MOXD1: variants seen among roughly 807,000 people sequenced by gnomAD.
MOXD1 encodes DBH-like monooxygenase protein 1.
In MOXD1, 62 loss-of-function variants were observed where a neutral mutation model predicts 66.6. That is an observed-to-expected ratio of 0.93 (90% CI 0.76 to 1.15). The LOEUF (loss-of-function observed/expected upper bound fraction) is 1.15, where lower values mean the gene tolerates loss of function less well. Among genes scored for constraint, MOXD1 ranks in the 50% most tolerant of loss-of-function variants. MOXD1 has a pLI of 0.00. For synonymous variants in MOXD1, 303 were observed against 281.9 expected (o/e 1.07, Z -0.75); for missense variants, 847 against 754.6 (o/e 1.12, Z -1.44).
intron 7 of MOXD1, 69 bp from the exon 8 acceptor site, chr6:132,322,939 C>A: frequency 7.4e-7 from 1 of 1,359,404 alleles, no homozygotes; most frequent in South Asian, 1.5e-5. Context: ...TACATTCAAA[C>A]ACACTTGGAG....
intron 1 of MOXD1, among the ~76,000 whole-genome samples, chr6:132,393,440 C>T (rs563151352): frequency 5.0e-4 from 76 of 152,232 alleles, no homozygotes; most frequent in Middle Eastern, 3.4e-3. Flanking sequence ...GCAAGGAAGC[C>T]AGCTTAGCTG....
At chr6:132,368,320 C>T (rs1562294849) in intron 4 of MOXD1, among the ~76,000 whole-genome samples, 2 of 152,016 alleles carry the variant, frequency 1.3e-5, no homozygotes, top group Non-Finnish European at 2.9e-5. Flanking sequence ...GAGAGGTGGG[C>T]TGCAGAGTGG....
At chr6:132,354,282 C>T (rs1334420331) in intron 4 of MOXD1, among the ~76,000 whole-genome samples, 1 of 152,206 alleles carries the variant, frequency 6.6e-6, no homozygotes, top group African/African-American at 2.4e-5. Flanking sequence ...TTTGGGTAGG[C>T]TCTGTCAGAG....
intron 1 of MOXD1, among the ~76,000 whole-genome samples, chr6:132,387,374 T>C (rs757090691): frequency 5.3e-5 from 8 of 151,430 alleles, no homozygotes; most frequent in Admixed American, 2.0e-4. Context: ...CCAATGAATT[T>C]TTAACTTTTA....
At chr6:132,370,281 T>A (rs1776238663) in intron 4 of MOXD1, among the ~76,000 whole-genome samples, 1 of 152,036 alleles carries the variant, frequency 6.6e-6, no homozygotes, top group South Asian at 2.1e-4. Context: ...AGCATGGAAA[T>A]CAGACAACTT....
chr6:132,353,005 C>T (rs1160387881), intron 4 of MOXD1, among the ~76,000 whole-genome samples: 2 of 152,070 alleles, frequency 1.3e-5, no homozygotes, highest in Non-Finnish European at 2.9e-5. Context: ...CTTTCTCCAC[C>T]CCTTTACTTT....
At chr6:132,390,302 T>G (rs1776733604) in intron 1 of MOXD1, 1 of 151,566 alleles carries the variant, frequency 6.6e-6, no homozygotes, top group South Asian at 2.1e-4. Context: ...TACATAATGC[T>G]TTGAATTGTA....
At chr6:132,374,478 GAAAAAACTAAAAA>G (rs1562296499) in intron 2 of MOXD1, among the ~76,000 whole-genome samples, 140 bp downstream of exon 2, 2 of 147,960 alleles carry the variant, frequency 1.4e-5, no homozygotes, top group African/African-American at 2.4e-5. Context: ...AAGTAAAAAA[GAAAAAACTAAAAA>G]AAAAACTAAA....
In MOXD1 at chr6:132,333,322, T is replaced by C. The variant is rs1363988312; in HGVS notation, c.664-4728A>G. 2.4e-3 allele frequency among the ~76,000 whole-genome samples: 284 copies of C among 119,118 alleles called. 2 individuals carry two copies. The highest frequency in any genetic ancestry group is 0.01 in the African/African-American group (272 of 26,952). The allele number at this position is 119,118 out of a possible 152,430, so 78.1% of individuals were successfully genotyped here. On this transcript the variant is annotated intron_variant, in intron 4 of 11. Coordinates refer to ENST00000367963, the MANE Select transcript of MOXD1 (RefSeq NM_015529.4). ...CTGCACTCCAGCCTGGGCTACAGAGTGAGACTCCGTCTCAAAAAAAAAAAA... is the reference window on the plus strand; with the variant it reads ...CTGCACTCCAGCCTGGGCTACAGAGCGAGACTCCGTCTCAAAAAAAAAAAA...
chr6:132,367,380 A>G (rs1776169404), intron 4 of MOXD1, among the ~76,000 whole-genome samples: 1 of 152,136 alleles, frequency 6.6e-6, no homozygotes, highest in Non-Finnish European at 1.5e-5. Context: ...TACTTTATAA[A>G]TATTAAACTC....
At chr6:132,301,559 A>T (rs1774537813) in intron 10 of MOXD1, among the ~76,000 whole-genome samples, 7 of 152,086 alleles carry the variant, frequency 4.6e-5, no homozygotes, top group Admixed American at 4.6e-4. Flanking sequence ...TAAAAGTTTT[A>T]TTGCTAATGT....
chr6:132,328,416 T>G lies in MOXD1; in HGVS notation c.842A>C (p.Glu281Ala). Residue 281 changes from glutamate (E) to alanine (A), a missense_variant and splice_region_variant, in exon 5 of 12, where the codon GAG becomes GCG. Coordinates refer to ENST00000367963, the MANE Select transcript of MOXD1 (RefSeq NM_015529.4). Reference protein sequence around the residue: ...TVIFAWAIGGEGFSYPPHVGL... With the variant: ...TVIFAWAIGGAGFSYPPHVGL... ...CATCTCAGTAATCATTAGCCCCACC[T>G]CTCCACCAATAGCCCAGGCAAAAAT... 1.2e-6 allele frequency: 2 copies of G among 1,613,914 alleles called. No homozygotes were observed. Among genetic ancestry groups the G allele is most frequent in the South Asian group, 2.2e-5 (2 of 91,048 alleles).
At chr6:132,341,418 A>G (rs1247391256) in intron 4 of MOXD1, among the ~76,000 whole-genome samples, 2 of 152,208 alleles carry the variant, frequency 1.3e-5, no homozygotes, top group South Asian at 2.1e-4. Context: ...GTATTTTGTT[A>G]TAGCAACACA....
intron 4 of MOXD1, among the ~76,000 whole-genome samples, chr6:132,343,915 A>G (rs922421012): frequency 2.6e-5 from 4 of 152,186 alleles, no homozygotes; most frequent in African/African-American, 9.6e-5. Context: ...GTCAAAATAC[A>G]TAGTGTTATC....
chr6:132,380,382 C>T (rs772803348), intron 1 of MOXD1, among the ~76,000 whole-genome samples: 1 of 152,172 alleles, frequency 6.6e-6, no homozygotes, highest in African/African-American at 2.4e-5. Flanking sequence ...AATTACTCTG[C>T]CTTTTCCCAG....
intron 1 of MOXD1, among the ~76,000 whole-genome samples, chr6:132,398,567 T>C (rs768334409): frequency 1.3e-5 from 2 of 152,170 alleles, no homozygotes; most frequent in East Asian, 1.9e-4. Context: ...CATTGTTCTA[T>C]ATAAATGTTG....
At chr6:132,367,484 A>G (rs992325205) in intron 4 of MOXD1, among the ~76,000 whole-genome samples, 1 of 152,056 alleles carries the variant, frequency 6.6e-6, no homozygotes, top group African/African-American at 2.4e-5. Context: ...CAGAGAGGTA[A>G]ATTGATTTGC....
In MOXD1 at chr6:132,401,207, C is replaced by T; in HGVS notation, c.220G>A (p.Asp74Asn). ...TGGGCCACCCCGCCCACGACGATGT[C>T]GGCGGACGCCATGGCCCCGGTGGGC... ...FSPTGAMASA[D>N]IVVGGVAHGR... Residue 74 changes from aspartate to asparagine, a missense_variant, in exon 1 of 12, where the codon GAC (aspartate) becomes AAC (asparagine). Asp to Asn is a conservative substitution (Grantham distance 23). Coordinates refer to ENST00000367963, the MANE Select transcript of MOXD1 (RefSeq NM_015529.4). 2 of 1,558,990 alleles carry T rather than the reference C, an allele frequency of 1.3e-6. No individual in the cohort carries two copies. Among genetic ancestry groups the T allele is most frequent in the Non-Finnish European group, 1.7e-6 (2 of 1,160,674 alleles).
chr6:132,373,081 A>G, intron 2 of MOXD1, 84 bp from the exon 3 acceptor site: 1 of 1,308,422 alleles, frequency 7.6e-7, no homozygotes. Context: ...TCTATTGTAA[A>G]CAAGATATAG....
Sources: allele counts gnomAD v4.1 joint callset (sites outside exome capture counted in the v4.1 genomes callset), GRCh38; gene constraint gnomAD v4.1.1; transcripts MANE v1.5; gene names NCBI Gene and HGNC (gene_info 2026-07-23, HGNC 2026-07-21).